The following IQSEC1 variants were observed in gnomAD, a reference collection of about 807,000 sequenced individuals.
The protein encoded by IQSEC1 is IQ motif and Sec7 domain ArfGEF 1.
Under a neutral mutation model 91.0 loss-of-function variants are expected in IQSEC1, and 31 were observed. The observed-to-expected ratio is 0.34, with a 90% CI of 0.26 to 0.46. The LOEUF is 0.46. Ranked by LOEUF, IQSEC1 falls within the 20% of genes least tolerant of loss-of-function variation. IQSEC1 has a pLI of 1.00. For missense variants in IQSEC1, 1,388 were observed against 1,575.6 expected (o/e 0.88, Z 2.02); for synonymous variants, 699 against 662.6 (o/e 1.05, Z -0.84).
At chr3:13,025,599 G>T (rs1216227620) in intron 1 of IQSEC1, among the ~76,000 whole-genome samples, 1 of 152,170 alleles carries the variant, frequency 6.6e-6, no homozygotes, top group Non-Finnish European at 1.5e-5. Flanking sequence ...CCCTCTCCTC[G>T]CCTGTTGAGA....
chr3:13,248,295 C>A (rs2125112142), intron 1 of IQSEC1, among the ~76,000 whole-genome samples: 1 of 152,346 alleles, frequency 6.6e-6, no homozygotes. Context: ...TCTGGCTACA[C>A]CACTGCCTCT....
chr3:12,934,462 T>C (rs1697982405), intron 3 of IQSEC1, among the ~76,000 whole-genome samples: 1 of 152,192 alleles, frequency 6.6e-6, no homozygotes, highest in Admixed American at 6.5e-5. Context: ...GCTCAGGCAC[T>C]GGCTTTGAGG....
rs200644277 is a variant in IQSEC1, at chr3:12,908,503, G to A, written c.2601C>T (p.Gly867=). Reference sequence around the variant, plus strand: ...ACTGGGACATGCTGGGCCGCACGACGCCTTTCTGCTTCTCGAGCTCCGCTG... The same window carrying A: ...ACTGGGACATGCTGGGCCGCACGACACCTTTCTGCTTCTCGAGCTCCGCTG... ...RIESELEKQK[G]VVRPSMSQCS... Residue 867 remains glycine (G), a synonymous_variant, in exon 12 of 14, where the codon GGC becomes GGT. Transcript: ENST00000613206. This position sits in a 1 kb window ranked among gnomAD's most constrained non-coding sequence, Gnocchi z 4.9. 2.2e-5 allele frequency: 35 copies of A among 1,613,640 alleles called. No homozygotes were observed. The highest frequency in any genetic ancestry group is 2.0e-4 in the African/African-American group (15 of 75,054).
intron 1 of IQSEC1, among the ~76,000 whole-genome samples, chr3:13,202,413 C>T (rs1694261316): frequency 6.6e-6 from 1 of 152,170 alleles, no homozygotes; most frequent in Admixed American, 6.5e-5. Flanking sequence ...AAGTGACCAT[C>T]GATGGAGGAA....
At chr3:13,174,080 C>T (rs1210512004) in intron 1 of IQSEC1, among the ~76,000 whole-genome samples, 2 of 152,186 alleles carry the variant, frequency 1.3e-5, no homozygotes, top group East Asian at 1.9e-4. Flanking sequence ...GAGCCAGAGG[C>T]CCGGGTTCCT....
At position 12,936,552 on chromosome 3, in the gene IQSEC1, C is replaced by G. The variant is rs759591010; in HGVS notation, c.464G>C (p.Arg155Pro). Residue 155 changes from arginine to proline, a missense_variant, in exon 3 of 14, where the codon CGG (arginine) becomes CCG (proline). Physicochemically the swap from Arg to Pro is moderately radical, Grantham distance 103. This residue lies in a region of IQSEC1 where 1,059 missense variants were observed against 1,317.8 expected (regional missense o/e 0.80). Coordinates refer to ENST00000613206, the MANE Select transcript of IQSEC1 (RefSeq NM_001134382.3). ...SSMSENRMSRRIVLSNMRMQF... is the reference protein window; with the variant it reads ...SSMSENRMSRPIVLSNMRMQF... ...CATCCTCATGTTGGACAGCACAATC[C>G]GGCGTGACATGCGGTTCTCTGACAT... The G allele has an allele frequency of 6.2e-7, 1 of 1,613,440 alleles. No homozygotes were observed. Among genetic ancestry groups the G allele is most frequent in the Non-Finnish European group, 8.5e-7 (1 of 1,180,028 alleles).
At chr3:13,050,893 TTA>T (rs1209678304) in intron 1 of IQSEC1, among the ~76,000 whole-genome samples, 5 of 152,320 alleles carry the variant, frequency 3.3e-5, no homozygotes, top group African/African-American at 1.2e-4. Context: ...ATAAAATATA[TTA>T]TGTTAACATG....
intron 2 of IQSEC1, among the ~76,000 whole-genome samples, chr3:13,089,654 T>A (rs12490673): frequency 0.33 from 50,718 of 152,100 alleles, 8,706 homozygotes; most frequent in Middle Eastern, 0.56. Context: ...GGAAACATGA[T>A]GCTAAGTTAA....
At chr3:13,253,431 G>A (rs1031169751) in intron 1 of IQSEC1, among the ~76,000 whole-genome samples, 3 of 152,204 alleles carry the variant, frequency 2.0e-5, no homozygotes, top group Non-Finnish European at 4.4e-5. Context: ...AGCCAAGATG[G>A]CGGGTATTGA....
At chr3:13,178,161 T>C (rs559689369) in intron 1 of IQSEC1, among the ~76,000 whole-genome samples, 198 of 152,368 alleles carry the variant, frequency 1.3e-3, no homozygotes, top group Non-Finnish European at 2.4e-3. Flanking sequence ...CCGGGCAGTC[T>C]CTGTCCTGCA....
chr3:13,002,417 C>T (rs1249108745), intron 1 of IQSEC1, among the ~76,000 whole-genome samples: 1 of 152,054 alleles, frequency 6.6e-6, no homozygotes, highest in African/African-American at 2.4e-5. Context: ...TGCATAGGCT[C>T]ATGCCTGTAA....
intron 2 of IQSEC1, among the ~76,000 whole-genome samples, chr3:13,081,446 G>A (rs567615724): frequency 3.3e-4 from 50 of 151,650 alleles, no homozygotes; most frequent in South Asian, 3.1e-3. Flanking sequence ...TTTTTAAATC[G>A]TTTATAGAGA....
At chr3:12,911,189 C>T (rs1247576207) in intron 10 of IQSEC1, among the ~76,000 whole-genome samples, 1 of 152,216 alleles carries the variant, frequency 6.6e-6, no homozygotes, top group Non-Finnish European at 1.5e-5. Flanking sequence ...AGCCAGGCCA[C>T]ACAGCAGTTG....
chr3:12,901,564 A>G, intron 13 of IQSEC1, 42 bp from the exon 14 acceptor site: 4 of 1,481,480 alleles, frequency 2.7e-6, no homozygotes, highest in South Asian at 1.2e-5. Context: ...AAAGATCTTC[A>G]AGCACTTAGG....
intron 1 of IQSEC1, among the ~76,000 whole-genome samples, chr3:13,200,185 CACAT>C (rs1694216974): frequency 6.6e-6 from 1 of 151,616 alleles, no homozygotes; most frequent in Non-Finnish European, 1.5e-5. Context: ...ATACAACACA[CACAT>C]ACACAAACAC....
At position 13,177,501 on chromosome 3, in the gene IQSEC1, C is replaced by T. The variant is rs151063900; in HGVS notation, c.273-13368G>A. 1.2e-4 allele frequency among the ~76,000 whole-genome samples: 19 copies of T among 152,354 alleles called. No individual in the cohort carries two copies. In the East Asian group the frequency reaches 3.3e-3, roughly 26 times the overall value. ...ACCTCATCTCCTTTGTGATGATTTA[C>T]CCCGGGACACCAGCCTGAGCCAGCC... On this transcript the variant is annotated intron_variant, in intron 1 of 15. Coordinates refer to the IQSEC1 transcript ENST00000648114.
chr3:13,072,927 G>A (rs1434261883), intron 1 of IQSEC1, 65 bp downstream of exon 1: 3 of 1,429,198 alleles, frequency 2.1e-6, no homozygotes, highest in Non-Finnish European at 2.9e-6. Context: ...CCTCACTCCA[G>A]CTCCCAGCTC....
intron 1 of IQSEC1, among the ~76,000 whole-genome samples, chr3:13,233,730 G>C (rs1342174781): frequency 6.6e-6 from 1 of 152,152 alleles, no homozygotes; most frequent in Non-Finnish European, 1.5e-5. Context: ...TTCCTGGTTG[G>C]CTCCTTGAGA....
At chr3:13,249,123 G>A (rs956524099) in intron 1 of IQSEC1, among the ~76,000 whole-genome samples, 3 of 150,732 alleles carry the variant, frequency 2.0e-5, no homozygotes, top group Admixed American at 6.6e-5. Context: ...ACTTTGATGC[G>A]CAATTATAGA....
Sources: gnomAD v4.1 joint callset for allele counts (sites outside exome capture counted in the v4.1 genomes callset) on GRCh38, gnomAD v4.1.1 for gene constraint, gnomAD v4.1.1 regional missense constraint, Gnocchi (gnomAD v3.1) non-coding constraint, MANE v1.5 for transcripts, NCBI Gene and HGNC (gene_info 2026-07-23, HGNC 2026-07-21) for gene names.